The following RUNDC3B variants were observed in gnomAD, a reference collection of about 807,000 sequenced individuals.
RUNDC3B encodes the protein RUN domain-containing protein 3B.
A neutral mutation model predicts 58.4 loss-of-function variants in RUNDC3B; 33 were observed. The observed-to-expected ratio is 0.56, with a 90% CI of 0.43 to 0.75. RUNDC3B has a LOEUF of 0.75. Among genes scored for constraint, RUNDC3B ranks in the 30% least tolerant of loss-of-function variants. The pLI is 0.00. For synonymous variants in RUNDC3B, 193 were observed against 195.2 expected (o/e 0.99, Z 0.10); for missense variants, 501 against 535.7 (o/e 0.94, Z 0.64).
intron 6 of RUNDC3B, among the ~76,000 whole-genome samples, chr7:87,753,974 G>A (rs1395184619): frequency 6.6e-6 from 1 of 152,166 alleles, no homozygotes; most frequent in Non-Finnish European, 1.5e-5. Context: ...ATTAAAGAAG[G>A]TATAAAAGTA....
chr7:87,675,653 CAAA>C (rs200136132), intron 2 of RUNDC3B, among the ~76,000 whole-genome samples: 52 of 65,836 alleles, frequency 7.9e-4, no homozygotes, highest in African/African-American at 1.3e-3. Flanking sequence ...TATTCACATG[CAAA>C]AAAAAAAAAA....
chr7:87,799,290 A>G lies in RUNDC3B; in HGVS notation c.957-8083A>G, dbSNP rs185899650. Among the ~76,000 whole-genome samples the G allele has an allele frequency of 3.3e-5, 5 of 152,336 alleles. No individual in the cohort carries two copies. The East Asian group carries it at 9.6e-4, about 29-fold the overall frequency. ...GAGGGCAAGGACCAACAATAAACAGATAGCATCTGTCAGATACCTCTTCCA... is the reference window on the plus strand; with the variant it reads ...GAGGGCAAGGACCAACAATAAACAGGTAGCATCTGTCAGATACCTCTTCCA... On this transcript the variant is annotated intron_variant, in intron 8 of 10. Transcript: ENST00000394654.
intron 8 of RUNDC3B, among the ~76,000 whole-genome samples, chr7:87,789,742 C>A (rs1455888881): frequency 6.6e-6 from 1 of 152,074 alleles, no homozygotes; most frequent in Non-Finnish European, 1.5e-5. Context: ...GGGTATTAAT[C>A]GGAAATTAGA....
chr7:87,707,973 A>T (rs1829756313), intron 3 of RUNDC3B, among the ~76,000 whole-genome samples: 1 of 152,100 alleles, frequency 6.6e-6, no homozygotes, highest in African/African-American at 2.4e-5. Flanking sequence ...AAATATTTGG[A>T]AAGTACTGAT....
intron 8 of RUNDC3B, among the ~76,000 whole-genome samples, chr7:87,782,071 T>A (rs947118933): frequency 2.6e-5 from 4 of 152,232 alleles, no homozygotes; most frequent in African/African-American, 9.6e-5. Flanking sequence ...CTCTTCTTTG[T>A]TTGTCTGGTA....
In RUNDC3B at chr7:87,733,551, T is replaced by C. The variant is rs146999870; in HGVS notation, c.459-6240T>C. On this transcript the variant is annotated intron_variant, in intron 4 of 10. Coordinates refer to ENST00000394654, the MANE Select transcript of RUNDC3B (RefSeq NM_001134405.2). Reference sequence around the variant, plus strand: ...AATAGGAGACAATTTTTACAGATCATAATCTGATAAGGCAGCGGTCCCCAA... The same window carrying C: ...AATAGGAGACAATTTTTACAGATCACAATCTGATAAGGCAGCGGTCCCCAA... Among the ~76,000 whole-genome samples the C allele has an allele frequency of 4.0e-3, 609 of 152,270 alleles. 3 individuals carry two copies. Among genetic ancestry groups the C allele is most frequent in the African/African-American group, 0.014 (582 of 41,556 alleles).
At chr7:87,673,071 T>C (rs1017899188) in intron 2 of RUNDC3B, among the ~76,000 whole-genome samples, 1 of 152,368 alleles carries the variant, frequency 6.6e-6, no homozygotes, top group Admixed American at 6.5e-5. Context: ...GTAGGCTTTC[T>C]GCTGAAAGGT....
intron 6 of RUNDC3B, among the ~76,000 whole-genome samples, chr7:87,767,945 A>C (rs771483631): frequency 6.6e-6 from 1 of 152,146 alleles, no homozygotes; most frequent in Non-Finnish European, 1.5e-5. Context: ...GTCTACTACC[A>C]ACAAAATAAC....
chr7:87,703,006 T>C (rs1021378691), intron 3 of RUNDC3B, among the ~76,000 whole-genome samples: 1 of 152,168 alleles, frequency 6.6e-6, no homozygotes, highest in Admixed American at 6.5e-5. Context: ...GTAGTAGTTG[T>C]ATTTATTTTT....
intron 6 of RUNDC3B, among the ~76,000 whole-genome samples, chr7:87,751,251 G>T (rs1370912361): frequency 6.6e-6 from 1 of 151,940 alleles, no homozygotes; most frequent in African/African-American, 2.4e-5. Context: ...CTCTGTTTTG[G>T]TACCAGTACC....
At chr7:87,735,312 G>C (rs998257423) in intron 4 of RUNDC3B, among the ~76,000 whole-genome samples, 1 of 152,072 alleles carries the variant, frequency 6.6e-6, no homozygotes, top group Admixed American at 6.6e-5. Flanking sequence ...GGCTCTTACA[G>C]TCATCTAGAC....
At chr7:87,760,015 T>C (rs2130851527) in intron 6 of RUNDC3B, among the ~76,000 whole-genome samples, 1 of 152,038 alleles carries the variant, frequency 6.6e-6, no homozygotes, top group South Asian at 2.1e-4. Flanking sequence ...AATTTGGTTT[T>C]AGATGTATTT....
At position 87,765,274 on chromosome 7, in the gene RUNDC3B, A is replaced by AT. The variant is rs139031558; in HGVS notation, c.630-5298dup. ...TTCATTTAACTGATCCTTTGGGTTG[A>AT]TTTTTTTTTGTCTCAGTTTCATTCA... On this transcript the variant is annotated intron_variant, in intron 6 of 10. Transcript: ENST00000394654. Among the ~76,000 whole-genome samples, 52 of 149,462 alleles carry AT rather than the reference A, an allele frequency of 3.5e-4. 1 individual carries two copies. The East Asian group carries it at 4.3e-3, about 13-fold the overall frequency.
intron 8 of RUNDC3B, among the ~76,000 whole-genome samples, chr7:87,784,725 G>A (rs1835112582): frequency 7.4e-6 from 1 of 135,640 alleles, no homozygotes; most frequent in Non-Finnish European, 1.6e-5. Context: ...GTGGTGAGGG[G>A]AGATGTGGTT....
chr7:87,764,733 C>T (rs1486407304), intron 6 of RUNDC3B, among the ~76,000 whole-genome samples: 2 of 151,862 alleles, frequency 1.3e-5, no homozygotes, highest in African/African-American at 4.8e-5. Flanking sequence ...TAATTTCATT[C>T]TTCTTTATGG....
chr7:87,771,876 G>A (rs1834305676), intron 7 of RUNDC3B, among the ~76,000 whole-genome samples: 1 of 152,174 alleles, frequency 6.6e-6, no homozygotes, highest in African/African-American at 2.4e-5. Flanking sequence ...TGACCAATAT[G>A]GGGTGACATT....
In RUNDC3B at chr7:87,787,010, G is replaced by A. The variant is rs10486998; in HGVS notation, c.956+9055G>A. ...TATTTTCTTGAGTTGAGAGGTTAAA[G>A]ATTTACTTTCATATAGTATGGCTTC... On this transcript the variant is annotated intron_variant, in intron 8 of 10. Transcript: ENST00000394654. 3.1e-3 allele frequency among the ~76,000 whole-genome samples: 468 copies of A among 152,188 alleles called. 6 individuals carry two copies. The East Asian group carries it at 0.049, about 16-fold the overall frequency.
intron 8 of RUNDC3B, among the ~76,000 whole-genome samples, chr7:87,778,724 T>G (rs1291279127): frequency 6.6e-6 from 1 of 152,116 alleles, no homozygotes; most frequent in Non-Finnish European, 1.5e-5. Context: ...GAGCAAGACT[T>G]TTTTTGATGA....
At chr7:87,738,601 T>C (rs1178848123) in intron 4 of RUNDC3B, among the ~76,000 whole-genome samples, 2 of 151,992 alleles carry the variant, frequency 1.3e-5, no homozygotes, top group Non-Finnish European at 2.9e-5. Context: ...AAAATATTTT[T>C]GTTTTACGAA....
Sources: gnomAD v4.1 joint callset for allele counts (sites outside exome capture counted in the v4.1 genomes callset) on GRCh38, gnomAD v4.1.1 for gene constraint, MANE v1.5 for transcripts, NCBI Gene and HGNC (gene_info 2026-07-23, HGNC 2026-07-21) for gene names.